GSK3B: variants seen among roughly 807,000 people sequenced by gnomAD.
The protein encoded by GSK3B is glycogen synthase kinase 3 beta, also known as glycogen synthase kinase-3 beta.
A neutral mutation model predicts 56.4 loss-of-function variants in GSK3B; 15 were observed. That is an observed-to-expected ratio of 0.27 (90% CI 0.18 to 0.41). The LOEUF (loss-of-function observed/expected upper bound fraction) is 0.41. Ranked by LOEUF, GSK3B falls within the 10% of genes least tolerant of loss-of-function variation. The pLI is 1.00. For synonymous variants in GSK3B, 181 were observed against 188.9 expected, an observed-to-expected ratio of 0.96 and a Z score of 0.34; for missense variants, 300 against 513.4, an observed-to-expected ratio of 0.58 and a Z score of 4.02.
chr3:119,885,680 G>C (rs1432574524), intron 7 of GSK3B, among the ~76,000 whole-genome samples: 1 of 152,044 alleles, frequency 6.6e-6, no homozygotes, highest in African/African-American at 2.4e-5. Context: ...AATCAAAACA[G>C]CATCATATTG....
chr3:119,835,715 T>C (rs1196849004), intron 10 of GSK3B, among the ~76,000 whole-genome samples: 1 of 152,088 alleles, frequency 6.6e-6, no homozygotes, highest in East Asian at 1.9e-4. Flanking sequence ...AAATTTAAAA[T>C]CTATTTGGGT....
intron 4 of GSK3B, among the ~76,000 whole-genome samples, chr3:119,923,007 C>T (rs1216590391): frequency 1.3e-5 from 2 of 152,084 alleles, no homozygotes; most frequent in Admixed American, 1.3e-4. Flanking sequence ...TGAATTTGAA[C>T]ATATTTATAA....
chr3:120,045,371 T>C (rs1363593149), intron 1 of GSK3B, among the ~76,000 whole-genome samples: 1 of 152,192 alleles, frequency 6.6e-6, no homozygotes, highest in Non-Finnish European at 1.5e-5. Flanking sequence ...CCATCAGCTC[T>C]AATCAATAAC....
At chr3:119,939,175 G>T (rs145844073) in intron 3 of GSK3B, among the ~76,000 whole-genome samples, 1 of 152,166 alleles carries the variant, frequency 6.6e-6, no homozygotes, top group African/African-American at 2.4e-5. Flanking sequence ...AATAGAGCAG[G>T]GGTGGAGGGT....
rs189353392 is a variant in GSK3B at position 119,879,204 on chromosome 3, G to A, written c.814-2696C>T. ...TATTTATATTTATTTATTTAGAGAC[G>A]GAGTCTCACACTGTTGCCCAGGCTG... On this transcript the variant is annotated intron_variant, in intron 7 of 10. Transcript: ENST00000264235. Among the ~76,000 whole-genome samples, 18 of 152,140 alleles carry A rather than the reference G, an allele frequency of 1.2e-4. No homozygotes were observed. In the East Asian group the frequency reaches 2.7e-3, roughly 23 times the overall value.
chr3:120,029,483 AG>A, intron 1 of GSK3B: 1 of 674,530 alleles, frequency 1.5e-6, no homozygotes, highest in East Asian at 2.8e-5. Context: ...TATTATCTGC[AG>A]GTGTTATTTC....
intron 2 of GSK3B, among the ~76,000 whole-genome samples, chr3:119,989,779 G>A (rs1195750422): frequency 6.6e-6 from 1 of 152,046 alleles, no homozygotes; most frequent in Non-Finnish European, 1.5e-5. Context: ...TGGGACTAAT[G>A]TTCTTACCCT....
intron 2 of GSK3B, among the ~76,000 whole-genome samples, chr3:119,961,713 T>C (rs111576719): frequency 1.3e-5 from 2 of 149,526 alleles, no homozygotes; most frequent in Admixed American, 6.6e-5. Context: ...AAATCAGATA[T>C]AGAAGGAACT....
chr3:119,983,045 C>T (rs1430895404), intron 2 of GSK3B, among the ~76,000 whole-genome samples: 1 of 152,156 alleles, frequency 6.6e-6, no homozygotes, highest in Non-Finnish European at 1.5e-5. Context: ...AAAGTGGAGG[C>T]CAATATTCAA....
intron 5 of GSK3B, 127 bp from the exon 6 acceptor site, chr3:119,912,937 AAAAAG>A: frequency 2.2e-6 from 1 of 461,202 alleles, no homozygotes; most frequent in Non-Finnish European, 3.9e-6. Flanking sequence ...ATCATATATG[AAAAAG>A]AAAATGTAAA....
intron 2 of GSK3B, among the ~76,000 whole-genome samples, chr3:119,971,880 G>T (rs1343073047): frequency 6.6e-6 from 1 of 151,626 alleles, no homozygotes; most frequent in Non-Finnish European, 1.5e-5. Context: ...CAAAGTGCTG[G>T]GATTACAGGC....
intron 1 of GSK3B, among the ~76,000 whole-genome samples, chr3:120,055,132 A>C (rs1478325116): frequency 2.0e-5 from 3 of 152,150 alleles, no homozygotes; most frequent in African/African-American, 4.8e-5. Context: ...GGCTATAATA[A>C]TACTTATCAC....
At chr3:120,048,335 C>T (rs953343783) in intron 1 of GSK3B, among the ~76,000 whole-genome samples, 4 of 152,174 alleles carry the variant, frequency 2.6e-5, no homozygotes, top group African/African-American at 9.6e-5. Flanking sequence ...TCCAGAGTTT[C>T]TCTTAGAGGG....
At chr3:119,931,338 G>A (rs564268994) in intron 3 of GSK3B, among the ~76,000 whole-genome samples, 6 of 152,226 alleles carry the variant, frequency 3.9e-5, no homozygotes, top group East Asian at 3.9e-4. Context: ...TAAATAGGCC[G>A]GGCACAGTGG....
At chr3:119,956,852 G>A (rs770078839) in intron 2 of GSK3B, among the ~76,000 whole-genome samples, 1 of 152,004 alleles carries the variant, frequency 6.6e-6, no homozygotes, top group Non-Finnish European at 1.5e-5. Flanking sequence ...CTTGAACAGG[G>A]GCAAATAAAC....
chr3:120,003,633 A>G (rs1284607035), intron 1 of GSK3B, among the ~76,000 whole-genome samples: 1 of 152,260 alleles, frequency 6.6e-6, no homozygotes, highest in Non-Finnish European at 1.5e-5. Flanking sequence ...ATTGCTAGAT[A>G]AATGAATATC....
At chr3:119,897,450 T>C (rs755175907) in intron 7 of GSK3B, among the ~76,000 whole-genome samples, 3 of 151,920 alleles carry the variant, frequency 2.0e-5, no homozygotes, top group Non-Finnish European at 4.4e-5. Context: ...TTTCTACAGG[T>C]GGTTATTATT....
chr3:120,002,025 A>G (rs766379816), intron 2 of GSK3B, 21 bp downstream of exon 2: 2 of 1,498,768 alleles, frequency 1.3e-6, no homozygotes, highest in Non-Finnish European at 1.8e-6. Flanking sequence ...AACAAAATAT[A>G]TGAAATACTG....
At chr3:119,882,840 TA>T (rs1169045028) in intron 7 of GSK3B, among the ~76,000 whole-genome samples, 8 of 152,180 alleles carry the variant, frequency 5.3e-5, no homozygotes, top group African/African-American at 7.2e-5. Flanking sequence ...CCCCACTGGT[TA>T]AAAAAAGGTT....
Sources: allele counts gnomAD v4.1 joint callset (sites outside exome capture counted in the v4.1 genomes callset), GRCh38; gene constraint gnomAD v4.1.1; transcripts MANE v1.5; gene names NCBI Gene and HGNC (gene_info 2026-07-23, HGNC 2026-07-21).